DCP1A: variants seen among roughly 807,000 people sequenced by gnomAD.
The protein encoded by DCP1A is mRNA-decapping enzyme 1A.
In DCP1A, 20 loss-of-function variants were observed where a neutral mutation model predicts 58.0. That is an observed-to-expected ratio of 0.34 (90% CI 0.24 to 0.50). The LOEUF (loss-of-function observed/expected upper bound fraction) is 0.50, where lower values mean the gene tolerates loss of function less well. Ranked by LOEUF, DCP1A falls within the 20% of genes least tolerant of loss-of-function variation. The pLI is 0.98. For synonymous variants in DCP1A, 285 were observed against 275.1 expected (o/e 1.04, Z -0.36); for missense variants, 613 against 712.2 (o/e 0.86, Z 1.59).
rs573164024 is a variant in DCP1A at position 53,304,030 on chromosome 3, T to G, written c.624+147A>C. 1.5e-5 allele frequency: 9 copies of G among 587,196 alleles called. No individual in the cohort carries two copies. In the African/African-American group the frequency reaches 1.7e-4, roughly 11 times the overall value. The allele number at this position is 587,196 out of a possible 1,614,324, so 36.4% of individuals were successfully genotyped here. On this transcript the variant is annotated intron_variant, in intron 6 of 9. Coordinates refer to ENST00000610213, the MANE Select transcript of DCP1A (RefSeq NM_018403.7). ...TGCAAAATCCAGATTAAACAGTTAC[T>G]CGGATCATGACCTAGGAGGATGTCA... is the stretch of plus-strand genomic sequence containing the variant.
At chr3:53,303,414 G>A (rs62256962) in intron 6 of DCP1A, among the ~76,000 whole-genome samples, 24,964 of 151,862 alleles carry the variant, frequency 0.16, 2,541 homozygotes, top group Middle Eastern at 0.28. Context: ...TTACAGGCAC[G>A]TGCCACCACA....
Position 53,315,998 on chromosome 3 carries a change from C to T in DCP1A, c.371+3409G>A, listed in dbSNP as rs562063520. Among the ~76,000 whole-genome samples the T allele has an allele frequency of 1.6e-4, 24 of 152,162 alleles. No homozygotes were observed. In the South Asian group the frequency reaches 5.0e-3, roughly 32 times the overall value. On this transcript the variant is annotated intron_variant, in intron 4 of 9. Transcript: ENST00000610213. The stretch of plus-strand genomic sequence containing the variant: ...CTCGATCTCCTGACCTCGTGATACG[C>T]CTGTCTTGGCCTCCCAAAGCGCTGG...
intron 5 of DCP1A, among the ~76,000 whole-genome samples, chr3:53,304,811 C>T (rs1553687847): frequency 6.6e-6 from 1 of 152,020 alleles, no homozygotes; most frequent in African/African-American, 2.4e-5. Flanking sequence ...TCTCAAACTC[C>T]TGACCTTGTG....
intron 8 of DCP1A, among the ~76,000 whole-genome samples, chr3:53,289,910 T>C (rs1553685734): frequency 6.6e-6 from 1 of 152,226 alleles, no homozygotes; most frequent in Non-Finnish European, 1.5e-5. Flanking sequence ...TTTTGGCATC[T>C]GAGCTATTTA....
At chr3:53,336,150 C>A (rs1360658480) in intron 3 of DCP1A, among the ~76,000 whole-genome samples, 1 of 152,030 alleles carries the variant, frequency 6.6e-6, no homozygotes, top group Non-Finnish European at 1.5e-5. Flanking sequence ...GTTGCCCAGG[C>A]TGGAGTGCAG....
intron 4 of DCP1A, among the ~76,000 whole-genome samples, chr3:53,313,273 G>C (rs781856791): frequency 1.3e-5 from 2 of 152,142 alleles, no homozygotes; most frequent in Non-Finnish European, 2.9e-5. Context: ...ACAAAAATTA[G>C]CTGGGCGTAG....
chr3:53,315,305 C>G lies in DCP1A; in HGVS notation c.372-2926G>C, dbSNP rs573861603. Among the ~76,000 whole-genome samples, 7 of 151,970 alleles carry G rather than the reference C, an allele frequency of 4.6e-5. No homozygotes were observed. In the South Asian group the frequency reaches 1.5e-3, roughly 32 times the overall value. ...CTGTAATCCCAGCACTTTGGGAGGC[C>G]AAGGTGGGTGGATCATGAGGTCAGG... On this transcript the variant is annotated intron_variant, in intron 4 of 9. Coordinates refer to ENST00000610213, the MANE Select transcript of DCP1A (RefSeq NM_018403.7).
intron 3 of DCP1A, among the ~76,000 whole-genome samples, chr3:53,328,122 G>C (rs1348148514): frequency 6.7e-6 from 1 of 150,096 alleles, no homozygotes; most frequent in Non-Finnish European, 1.5e-5. Flanking sequence ...CTCCGTCTCA[G>C]GAAAAAAAAA....
chr3:53,306,937 T>C (rs1434028143), intron 5 of DCP1A, among the ~76,000 whole-genome samples: 2 of 136,570 alleles, frequency 1.5e-5, no homozygotes, highest in African/African-American at 5.7e-5. Flanking sequence ...TGTTCTTTTT[T>C]TTTTTTTTTT....
rs782408183 is a variant in DCP1A, at chr3:53,312,393, A to T, written c.372-14T>A. The T allele has an allele frequency of 6.4e-7, 1 of 1,562,022 alleles. No homozygotes were observed. Among genetic ancestry groups the T allele is most frequent in the Non-Finnish European group, 8.6e-7 (1 of 1,156,680 alleles). ...TCTTCTACCACACTAGAGGAGAAGA[A>T]CAAGGTTTTAGAAAGGCCTCTTGAA... On this transcript the variant is annotated splice_polypyrimidine_tract_variant and intron_variant, in intron 4 of 9. Coordinates refer to ENST00000610213, the MANE Select transcript of DCP1A (RefSeq NM_018403.7).
rs138976238 is a variant in DCP1A, at chr3:53,322,250, C to T, written c.305-2777G>A. 8.0e-3 allele frequency among the ~76,000 whole-genome samples: 1,209 copies of T among 151,964 alleles called. 23 individuals carry two copies. The highest frequency in any genetic ancestry group is 0.027 in the African/African-American group (1,117 of 41,444). On this transcript the variant is annotated intron_variant, in intron 3 of 9. Transcript: ENST00000610213. ...GGTGGATCACCTGAGGTCAGGAGTT[C>T]GAGACCACCCTGGCCAACACGATGA...
intron 6 of DCP1A, among the ~76,000 whole-genome samples, chr3:53,296,290 A>T (rs1416961479): frequency 4.6e-5 from 7 of 152,182 alleles, no homozygotes; most frequent in African/African-American, 1.7e-4. Flanking sequence ...CAACAACAAA[A>T]CACCTGGTAA....
chr3:53,304,050 A>G (rs782440680), intron 6 of DCP1A, 127 bp downstream of exon 6: 2 of 643,842 alleles, frequency 3.1e-6, no homozygotes, highest in Non-Finnish European at 5.3e-6. Flanking sequence ...ACCTAGGAGG[A>G]TGTCATTATG....
At chr3:53,325,893 C>T (rs782005791) in intron 3 of DCP1A, among the ~76,000 whole-genome samples, 20 of 152,102 alleles carry the variant, frequency 1.3e-4, no homozygotes, top group Non-Finnish European at 2.4e-4. Context: ...GTTGTATATC[C>T]GCAAGAAACT....
chr3:53,338,584 G>A (rs187747492), intron 3 of DCP1A, among the ~76,000 whole-genome samples: 94 of 152,226 alleles, frequency 6.2e-4, no homozygotes, highest in African/African-American at 2.1e-3. Context: ...ACTCTTGGCT[G>A]GGCGCGGTGG....
In DCP1A at chr3:53,283,886, T is replaced by C. The variant is rs1265326426; in HGVS notation, c.*3694A>G. 6.6e-6 allele frequency: 1 copy of C among 152,210 alleles called. No individual in the cohort carries two copies. Among genetic ancestry groups the C allele is most frequent in the Admixed American group, 6.5e-5 (1 of 15,280 alleles). The allele number at this position is 152,210 out of a possible 1,614,324, so 9.4% of individuals were successfully genotyped here. On this transcript the variant is annotated 3_prime_UTR_variant, in exon 10 of 10. Coordinates refer to ENST00000610213, the MANE Select transcript of DCP1A (RefSeq NM_018403.7). ...AACGGAGGGAATCACTGCACACATC[T>C]GTTGAATTTGCTGAAAAACAGGCTC...
chr3:53,314,671 T>C (rs1052701441), intron 4 of DCP1A, among the ~76,000 whole-genome samples: 78 of 135,836 alleles, frequency 5.7e-4, no homozygotes, highest in African/African-American at 1.9e-3. Flanking sequence ...CTTTTTCTTT[T>C]TTTTTTTTTT....
chr3:53,292,046 C>CT (rs1706895835), intron 7 of DCP1A, 23 bp downstream of exon 7: 4 of 1,581,702 alleles, frequency 2.5e-6, no homozygotes, highest in Non-Finnish European at 3.4e-6. Context: ...CCACTCTGCC[C>CT]ACCCCCACCC....
chr3:53,309,629 T>G (rs1707584567), intron 5 of DCP1A, among the ~76,000 whole-genome samples: 1 of 151,974 alleles, frequency 6.6e-6, no homozygotes, highest in Non-Finnish European at 1.5e-5. Context: ...CCAAGCATGG[T>G]GATGCATGGC....
Sources: allele counts gnomAD v4.1 joint callset (sites outside exome capture counted in the v4.1 genomes callset), GRCh38; gene constraint gnomAD v4.1.1; transcripts MANE v1.5; gene names NCBI Gene and HGNC (gene_info 2026-07-23, HGNC 2026-07-21).